WDR81: variants seen among roughly 807,000 people sequenced by gnomAD.
The protein encoded by WDR81 is WD repeat-containing protein 81.
WDR81 carries 92 observed loss-of-function variants against 140.8 expected under a neutral mutation model. That is an observed-to-expected ratio of 0.65 (90% confidence interval 0.55 to 0.78). WDR81 has a LOEUF of 0.78. Among genes scored for constraint, WDR81 ranks in the 30% least tolerant of loss-of-function variants. WDR81 has a pLI of 0.00. For synonymous variants in WDR81, 1,183 were observed against 1,156.4 expected (o/e 1.02, Z -0.47); for missense variants, 2,502 against 2,636.4 (o/e 0.95, Z 1.12).
chr17:1,728,940 G>A (rs564042364), intron 1 of WDR81, among the ~76,000 whole-genome samples: 14 of 152,060 alleles, frequency 9.2e-5, no homozygotes, highest in Admixed American at 4.6e-4. Flanking sequence ...GCGACAGAGC[G>A]AGACTCCATC....
chr17:1,735,966 G>T lies in WDR81; in HGVS notation c.5326-73G>T, dbSNP rs1161553385. The T allele has an allele frequency of 1.3e-6, 2 of 1,523,520 alleles. No homozygotes were observed. The highest frequency in any genetic ancestry group is 3.8e-5 in the Admixed American group (2 of 51,976). The allele number at this position is 1,523,520 out of a possible 1,614,324, so 94.4% of individuals were successfully genotyped here. ...TCAGGCCTTCCTGCTGTGTGGGCTT[G>T]GGTGGTGGGCAGGGCCTTGGGGAGT... is the stretch of plus-strand genomic sequence containing the variant. On this transcript the variant is annotated intron_variant, in intron 8 of 9. Coordinates refer to ENST00000409644, the MANE Select transcript of WDR81 (RefSeq NM_001163809.2). This position sits in a 1 kb window ranked among gnomAD's most constrained non-coding sequence, Gnocchi z 4.2.
chr17:1,720,638 G>A (rs1016063161), upstream of WDR81, among the ~76,000 whole-genome samples: 7 of 152,078 alleles, frequency 4.6e-5, no homozygotes, highest in Middle Eastern at 6.8e-3. Context: ...TTAGCCAGGC[G>A]CCTGTAATCC....
chr17:1,727,598 TG>T lies in WDR81; in HGVS notation c.2640del (p.His881ThrfsTer33). On this transcript the variant is annotated frameshift_variant, in exon 1 of 10. Coordinates refer to ENST00000409644, the MANE Select transcript of WDR81 (RefSeq NM_001163809.2). LOFTEE classifies it high-confidence loss of function. Reference sequence around the variant, plus strand: ...CCCTTCCCACCCTACTTCCCGGCACTGCACAGATTCATCCTCCTGTACCAGG... The same window carrying T: ...CCCTTCCCACCCTACTTCCCGGCACTCACAGATTCATCCTCCTGTACCAGG... ...VVPFPPYFPA[L>X]HRFILLYQAR... is the part of the protein sequence containing the mutation. 1 of 1,550,572 alleles carries T rather than the reference TG, an allele frequency of 6.4e-7. No homozygotes were observed. The highest frequency in any genetic ancestry group is 8.7e-7 in the Non-Finnish European group (1 of 1,147,040).
chr17:1,725,665 C>T lies in WDR81; in HGVS notation c.706C>T (p.Pro236Ser), dbSNP rs377268135. ...GCCGGAGATGCTGTATGTGGTACAC[C>T]CTTACGTACAGTTCTCCCTACATGA... ...ESPEMLYVVH[P>S]YVQFSLHDVV... Residue 236 changes from proline (P) to serine (S), a missense_variant, in exon 1 of 10, where the codon CCT becomes TCT. Coordinates refer to ENST00000409644, the MANE Select transcript of WDR81 (RefSeq NM_001163809.2). The T allele has an allele frequency of 3.2e-6, 5 of 1,547,530 alleles. No individual in the cohort carries two copies. The highest frequency in any genetic ancestry group is 2.7e-5 in the African/African-American group (2 of 73,174).
chr17:1,735,881 C>G lies in WDR81; in HGVS notation c.5326-158C>G. ...GCCACACATCCTGCGGGGCAGGACT[C>G]TGGCCTGTGATGGGGGTGGGGTTCT... On this transcript the variant is annotated intron_variant, in intron 8 of 9. Transcript: ENST00000409644. This position sits in a 1 kb window ranked among gnomAD's most constrained non-coding sequence, Gnocchi z 4.2. The G allele has an allele frequency of 1.5e-6, 2 of 1,365,050 alleles. No homozygotes were observed. The highest frequency in any genetic ancestry group is 2.0e-6 in the Non-Finnish European group (2 of 1,020,242). 84.6% of individuals were successfully genotyped at this position (1,365,050 alleles called of 1,614,324 possible). A position where few individuals can be genotyped will look rare whatever the true frequency, so the allele number is the denominator to read the frequency against.
At chr17:1,734,348 A>C in intron 7 of WDR81, 132 bp downstream of exon 7, 1 of 1,080,904 alleles carries the variant, frequency 9.3e-7, no homozygotes, top group Admixed American at 3.0e-5. Flanking sequence ...CTAGGAGAAC[A>C]GTTAGGGCTT....
Position 1,731,108 on chromosome 17 carries a change from G to C in WDR81, c.4007G>C (p.Ser1336Thr). 1 of 1,613,122 alleles carries C rather than the reference G, an allele frequency of 6.2e-7. No homozygotes were observed. The highest frequency in any genetic ancestry group is 8.5e-7 in the Non-Finnish European group (1 of 1,179,980). ...GSASGPSRLN[S>T]RKEAGLLAAV... ...GCCTCAGGCCCCAGCCGACTGAACAGCCGTAAGGAGGCGGGGCTGCTGGCC... is the reference window on the plus strand; with the variant it reads ...GCCTCAGGCCCCAGCCGACTGAACACCCGTAAGGAGGCGGGGCTGCTGGCC... The change falls in exon 4 of 10, where the codon AGC (serine) becomes ACC (threonine). Residue 1336 changes from serine (S) to threonine (T), a missense_variant. Ser to Thr is a moderately conservative substitution (Grantham distance 58). Around this residue, in one of 3 missense-constraint regions of WDR81, gnomAD observed 1,737 missense variants for 1,843.0 expected, o/e 0.94. Coordinates refer to ENST00000409644, the MANE Select transcript of WDR81 (RefSeq NM_001163809.2).
At position 1,725,793 on chromosome 17, in the gene WDR81, GCTGGCGTGTGGGGCC is replaced by G. The variant is rs1374008331; in HGVS notation, c.838_852del (p.Ala280_Leu284del). The G allele has an allele frequency of 3.2e-6, 5 of 1,550,566 alleles. No individual in the cohort carries two copies. Among genetic ancestry groups the G allele is most frequent in the Non-Finnish European group, 4.4e-6 (5 of 1,147,020 alleles). Reference sequence around the variant, plus strand: ...CTATGGACGCCTGTCACCGCCAGGGGCTGGCGTGTGGGGCCCTGTCTTTGTATCACATCGCAGTGG... The same window carrying G: ...CTATGGACGCCTGTCACCGCCAGGGGCTGTCTTTGTATCACATCGCAGTGG... On this transcript the variant is annotated inframe_deletion, in exon 1 of 10. Transcript: ENST00000409644.
At position 1,725,433 on chromosome 17, in the gene WDR81, C is replaced by A; in HGVS notation, c.474C>A (p.Tyr158Ter). 6.5e-7 allele frequency: 1 copy of A among 1,549,468 alleles called. No homozygotes were observed. The part of the protein sequence containing the change: ...RNLWRHAYHT[Y>*]GQPYSHSPAP... ...TGTGGCGCCATGCATACCACACTTA[C>A]GGCCAGCCGTACAGTCACAGCCCTG... Residue 158 changes from tyrosine to a stop codon, truncating the protein, a stop_gained, in exon 1 of 10, where the codon TAC becomes TAA. Coordinates refer to ENST00000409644, the MANE Select transcript of WDR81 (RefSeq NM_001163809.2). LOFTEE classifies it high-confidence loss of function.
Position 1,727,475 on chromosome 17 carries a change from G to C in WDR81, c.2516G>C (p.Arg839Thr). The C allele has an allele frequency of 6.4e-7, 1 of 1,550,392 alleles. No homozygotes were observed. Among genetic ancestry groups the C allele is most frequent in the Non-Finnish European group, 8.7e-7 (1 of 1,146,984 alleles). The change falls in exon 1 of 10, where the codon AGG becomes ACG. Residue 839 changes from arginine (R) to threonine (T), a missense_variant. By Grantham distance (71) the Arg-to-Thr change is moderately conservative (BLOSUM62 -1). Around this residue, in one of 3 missense-constraint regions of WDR81, gnomAD observed 1,737 missense variants for 1,843.0 expected, o/e 0.94. Transcript: ENST00000409644. ...CCCGAAGTCCCCATGGGAGCAGAGA[G>C]GGGCAAGCTGGACCAACTGTTTGAG... ...SGPEVPMGAE[R>T]GKLDQLFEYR...
chr17:1,734,507 G>A (rs1213694930), intron 7 of WDR81, among the ~76,000 whole-genome samples: 1 of 152,224 alleles, frequency 6.6e-6, no homozygotes, highest in Non-Finnish European at 1.5e-5. Flanking sequence ...ACAGCCGGGC[G>A]CAGTGGCTCA....
At position 1,727,195 on chromosome 17, in the gene WDR81, G is replaced by C; in HGVS notation, c.2236G>C (p.Gly746Arg). 1.3e-6 allele frequency: 2 copies of C among 1,549,794 alleles called. No homozygotes were observed. Among genetic ancestry groups the C allele is most frequent in the Non-Finnish European group, 1.7e-6 (2 of 1,146,550 alleles). Residue 746 changes from glycine to arginine, a missense_variant, in exon 1 of 10, where the codon GGG (glycine) becomes CGG (arginine). By Grantham distance (125) the Gly-to-Arg change is moderately radical (BLOSUM62 -2). Transcript: ENST00000409644. ...GGGCAACTTCTTGGCCAAAGGCCTAGGGGGCCTGTTGGAGGTGCCTGAGCA... is the reference window on the plus strand; with the variant it reads ...GGGCAACTTCTTGGCCAAAGGCCTACGGGGCCTGTTGGAGGTGCCTGAGCA... Reference protein sequence around the residue: ...KTGNFLAKGLGGLLEVPEQPR... With the variant: ...KTGNFLAKGLRGLLEVPEQPR...
chr17:1,722,435 C>A (rs1165629620), upstream of WDR81, among the ~76,000 whole-genome samples: 3 of 150,848 alleles, frequency 2.0e-5, no homozygotes, highest in African/African-American at 7.3e-5. Context: ...CAACCTCTGC[C>A]TCCTGGGTTC....
chr17:1,719,251 A>G (rs1305999001), intron 1 of WDR81, among the ~76,000 whole-genome samples: 3 of 152,246 alleles, frequency 2.0e-5, no homozygotes, highest in African/African-American at 7.2e-5. Flanking sequence ...AAAATATTTT[A>G]AAAGTTAAAA....
intron 1 of WDR81, among the ~76,000 whole-genome samples, chr17:1,718,369 C>T (rs1031127018): frequency 2.0e-5 from 3 of 152,322 alleles, no homozygotes; most frequent in African/African-American, 2.4e-5. Flanking sequence ...CCACCCGCCT[C>T]GGTCTCCCAA....
intron 4 of WDR81, among the ~76,000 whole-genome samples, chr17:1,731,932 A>AAG (rs1904381151): frequency 7.1e-6 from 1 of 140,108 alleles, no homozygotes; most frequent in African/African-American, 2.7e-5. Context: ...GTCTCAAAAA[A>AAG]AAAAAAAAGT....
chr17:1,721,978 C>T (rs775042502), upstream of WDR81, among the ~76,000 whole-genome samples: 1 of 152,040 alleles, frequency 6.6e-6, no homozygotes, highest in African/African-American at 2.4e-5. Flanking sequence ...CAAAAATTAG[C>T]CGGGCATGGT....
chr17:1,733,636 C>T lies in WDR81; in HGVS notation c.4599C>T (p.Pro1533=). ...PSSRNPASVE[P]TMPGTGPEWD... is the part of the protein sequence containing the mutation. ...GTCGCAACCCTGCCAGCGTGGAGCC[C>T]ACCATGCCCGGCACCGGGCCCGAGT... Residue 1533 remains proline, a synonymous_variant, in exon 7 of 10, where the codon CCC becomes CCT. Coordinates refer to ENST00000409644, the MANE Select transcript of WDR81 (RefSeq NM_001163809.2). The T allele has an allele frequency of 2.5e-6, 4 of 1,602,020 alleles. No homozygotes were observed. The highest frequency in any genetic ancestry group is 3.4e-6 in the Non-Finnish European group (4 of 1,173,526).
In WDR81 at chr17:1,733,671, A is replaced by G; in HGVS notation, c.4634A>G (p.His1545Arg). Reference sequence around the variant, plus strand: ...GGCACCGGGCCCGAGTGGGACCCCCATGGTGGGGGCTGCCCTCAGGATGAC... The same window carrying G: ...GGCACCGGGCCCGAGTGGGACCCCCGTGGTGGGGGCTGCCCTCAGGATGAC... ...MPGTGPEWDP[H>R]GGGCPQDDGH... Residue 1545 changes from histidine to arginine, a missense_variant, in exon 7 of 10, where the codon CAT (histidine) becomes CGT (arginine). Coordinates refer to ENST00000409644, the MANE Select transcript of WDR81 (RefSeq NM_001163809.2). 1 of 1,610,482 alleles carries G rather than the reference A, an allele frequency of 6.2e-7. No homozygotes were observed. The highest frequency in any genetic ancestry group is 8.5e-7 in the Non-Finnish European group (1 of 1,178,564).
Sources: allele counts gnomAD v4.1 joint callset (sites outside exome capture counted in the v4.1 genomes callset), GRCh38; gene constraint gnomAD v4.1.1; regional missense constraint gnomAD v4.1.1; non-coding constraint Gnocchi (gnomAD v3.1); transcripts MANE v1.5; gene names NCBI Gene and HGNC (gene_info 2026-07-23, HGNC 2026-07-21).